The following PSORS1C1 variants were observed in gnomAD, a reference collection of about 807,000 sequenced individuals.
PSORS1C1 encodes psoriasis susceptibility 1 candidate 1.
A neutral mutation model predicts 9.4 loss-of-function variants in PSORS1C1; 7 were observed. The observed-to-expected ratio is 0.75, with a 90% CI of 0.42 to 1.40. The LOEUF is 1.40. Ranked by LOEUF, PSORS1C1 falls within the 40% of genes most tolerant of loss-of-function variation. PSORS1C1 has a pLI of 0.01. For missense variants in PSORS1C1, 146 were observed against 178.1 expected, an observed-to-expected ratio of 0.82 and a Z score of 1.02; for synonymous variants, 63 against 69.4, an observed-to-expected ratio of 0.91 and a Z score of 0.46.
In PSORS1C1 at chr6:31,115,845, G is replaced by A. The variant is rs1772078655; in HGVS notation, c.-229+954G>A. 12 of 602,062 alleles carry A rather than the reference G, an allele frequency of 2.0e-5. No individual in the cohort carries two copies. The highest frequency in any genetic ancestry group is 3.3e-5 in the Non-Finnish European group (11 of 335,984). 37.3% of individuals were successfully genotyped at this position (602,062 alleles called of 1,614,324 possible). ...AATCTACCATTTTGAGAAGAGGAAGGAGGAAGGGGTGATAAGAGAGAGTCT... is the reference window on the plus strand; with the variant it reads ...AATCTACCATTTTGAGAAGAGGAAGAAGGAAGGGGTGATAAGAGAGAGTCT... On this transcript the variant is annotated intron_variant, in intron 1 of 5. Transcript: ENST00000259881. The surrounding 1 kb of genome is among the most constrained non-coding windows in gnomAD (Gnocchi z 4.2).
chr6:31,137,335 T>C (rs1349275440), intron 3 of PSORS1C1, among the ~76,000 whole-genome samples: 1 of 151,346 alleles, frequency 6.6e-6, no homozygotes, highest in African/African-American at 2.4e-5. Context: ...CGGGCGCCTG[T>C]AGTCCCAGCT....
intron 1 of PSORS1C1, chr6:31,116,913 C>G: frequency 3.1e-6 from 5 of 1,614,066 alleles, no homozygotes; most frequent in Non-Finnish European, 4.2e-6. Flanking sequence ...GGCCGGAGTG[C>G]GAGACGATGG....
chr6:31,124,617 C>T (rs1414610981), intron 1 of PSORS1C1, among the ~76,000 whole-genome samples: 1 of 152,196 alleles, frequency 6.6e-6, no homozygotes, highest in Non-Finnish European at 1.5e-5. Flanking sequence ...TCCCTAAACC[C>T]TGTAAGGATG....
At position 31,139,481 on chromosome 6, in the gene PSORS1C1, T is replaced by C. The variant is rs2285803; in HGVS notation, c.168-160T>C. ...ATGCCTGCGCTGAGGGAGGAGGTGC[T>C]TTTCAAACCTGGGATGCAGCTGGGA... On this transcript the variant is annotated intron_variant, in intron 5 of 5. Transcript: ENST00000259881. This position sits in a 1 kb window ranked among gnomAD's most constrained non-coding sequence, Gnocchi z 5.2. 0.71 allele frequency: 476,485 copies of C among 666,548 alleles called. 170,823 individuals are homozygous for C. Among genetic ancestry groups the C allele is most frequent in the Middle Eastern group, 0.77 (1,870 of 2,414 alleles). 41.3% of individuals were successfully genotyped at this position (666,548 alleles called of 1,614,324 possible). A position where few individuals can be genotyped will look rare whatever the true frequency, so the allele number is the denominator to read the frequency against.
At chr6:31,116,946 GGGGATGTCCGAACTACA>G (rs747442990) in intron 1 of PSORS1C1, 2 of 1,614,170 alleles carry the variant, frequency 1.2e-6, no homozygotes, top group Non-Finnish European at 1.7e-6. Context: ...AGGGAGAGTC[GGGGATGTCCGAACTACA>G]GGGACGCTGG....
chr6:31,138,323 A>C (rs778895486), intron 3 of PSORS1C1, 107 bp from the exon 4 acceptor site: 1 of 1,606,112 alleles, frequency 6.2e-7, no homozygotes, highest in Non-Finnish European at 8.5e-7. Flanking sequence ...AGGAGGAAGG[A>C]GAAAGGTAAG....
intron 1 of PSORS1C1, chr6:31,117,548 G>A (rs1010010576): frequency 1.9e-5 from 29 of 1,547,906 alleles, no homozygotes; most frequent in Non-Finnish European, 2.5e-5. Flanking sequence ...GAAAGCAGTG[G>A]TTAGTAAGGG....
intron 1 of PSORS1C1, among the ~76,000 whole-genome samples, chr6:31,120,975 C>T (rs1772430409): frequency 6.6e-6 from 1 of 150,446 alleles, no homozygotes; most frequent in Non-Finnish European, 1.5e-5. Flanking sequence ...CACTTTCCTC[C>T]TTCAAATATG....
chr6:31,121,414 G>A (rs1451499995), intron 1 of PSORS1C1, among the ~76,000 whole-genome samples: 2 of 152,188 alleles, frequency 1.3e-5, no homozygotes, highest in Non-Finnish European at 2.9e-5. Context: ...TGGGCAGGTC[G>A]AGGAGGGCCA....
At chr6:31,129,540 C>T in intron 2 of PSORS1C1, 29 bp from the exon 3 acceptor site, 1 of 770,190 alleles carries the variant, frequency 1.3e-6, no homozygotes. Context: ...TCCCCCTTCT[C>T]TTTCCCACTC....
At chr6:31,136,933 G>T (rs1773164668) in intron 3 of PSORS1C1, among the ~76,000 whole-genome samples, 1 of 152,008 alleles carries the variant, frequency 6.6e-6, no homozygotes, top group African/African-American at 2.4e-5. Context: ...GGCAGATCAC[G>T]ATGTCAGGAG....
intron 3 of PSORS1C1, among the ~76,000 whole-genome samples, chr6:31,130,268 T>TC (rs1222350267): frequency 6.6e-6 from 1 of 151,728 alleles, no homozygotes; most frequent in African/African-American, 2.4e-5. Context: ...ACAATTTTTT[T>TC]TTTTTTTCTG....
intron 3 of PSORS1C1, among the ~76,000 whole-genome samples, chr6:31,131,597 C>CA (rs9281219): frequency 0.29 from 22,906 of 78,316 alleles, 3,650 homozygotes; most frequent in East Asian, 0.49. Flanking sequence ...GACTCCGTCT[C>CA]AAAAAAAAAA....
intron 3 of PSORS1C1, among the ~76,000 whole-genome samples, chr6:31,132,023 G>A (rs1772939114): frequency 6.6e-6 from 1 of 152,136 alleles, no homozygotes. Flanking sequence ...AGGCAGGAGG[G>A]TTTCTTGAGC....
At chr6:31,122,357 C>T (rs1772498931) in intron 1 of PSORS1C1, among the ~76,000 whole-genome samples, 1 of 152,188 alleles carries the variant, frequency 6.6e-6, no homozygotes, top group Non-Finnish European at 1.5e-5. Flanking sequence ...CCAGCTTCAC[C>T]CCCACAGCCC....
intron 3 of PSORS1C1, among the ~76,000 whole-genome samples, chr6:31,133,201 C>T (rs1265103): frequency 0.035 from 5,386 of 152,092 alleles, 154 homozygotes; most frequent in Non-Finnish European, 0.055. Context: ...AGTCCCTGCC[C>T]CACAAGGTTC....
intron 1 of PSORS1C1, chr6:31,117,160 C>A (rs765690932): frequency 6.2e-7 from 1 of 1,606,258 alleles, no homozygotes; most frequent in South Asian, 1.1e-5. Context: ...CGAATGAGAG[C>A]TGCTGCTTCC....
At chr6:31,116,058 GA>G in intron 1 of PSORS1C1, 2 of 1,612,168 alleles carry the variant, frequency 1.2e-6, no homozygotes, top group Non-Finnish European at 8.5e-7. Flanking sequence ...CTTGGGGTAG[GA>G]AAACTTCAGG....
intron 1 of PSORS1C1, chr6:31,120,349 C>T: frequency 6.3e-7 from 1 of 1,588,032 alleles, no homozygotes; most frequent in Non-Finnish European, 8.6e-7. Flanking sequence ...CAGGAGGAGA[C>T]CAGCCAGCAG....
Sources: gnomAD v4.1 joint callset for allele counts (sites outside exome capture counted in the v4.1 genomes callset) on GRCh38, gnomAD v4.1.1 for gene constraint, Gnocchi (gnomAD v3.1) non-coding constraint, MANE v1.5 for transcripts, NCBI Gene and HGNC (gene_info 2026-07-23, HGNC 2026-07-21) for gene names.